The following AKAP7 variants were observed in gnomAD, a reference collection of about 807,000 sequenced individuals.
AKAP7 encodes the protein A-kinase anchoring protein 7.
In AKAP7, 39 loss-of-function variants were observed where a neutral mutation model predicts 39.5. The ratio of observed to expected loss-of-function variants is 0.99; its 90% CI spans 0.76 to 1.29. The LOEUF (loss-of-function observed/expected upper bound fraction) is 1.29. AKAP7 is among the 50% of genes most tolerant of loss of function. The probability of loss-of-function intolerance (pLI) is 0.00; values close to 1 mark genes in which losing one functional copy is unlikely to be tolerated. For missense variants in AKAP7, 414 were observed against 407.7 expected, an observed-to-expected ratio of 1.02 and a Z score of -0.13; for synonymous variants, 140 against 139.1, an observed-to-expected ratio of 1.01 and a Z score of -0.05.
chr6:131,182,639 T>A (rs1021564110), intron 5 of AKAP7, among the ~76,000 whole-genome samples: 2 of 152,212 alleles, frequency 1.3e-5, no homozygotes, highest in Non-Finnish European at 2.9e-5. Flanking sequence ...GACCTTGAGT[T>A]CAGATCTTTT....
At chr6:131,191,381 T>C (rs1252364181) in intron 5 of AKAP7, among the ~76,000 whole-genome samples, 1 of 152,222 alleles carries the variant, frequency 6.6e-6, no homozygotes, top group Non-Finnish European at 1.5e-5. Flanking sequence ...TTATATGAAC[T>C]CTAAGTTGAT....
At chr6:131,155,379 CT>C (rs1233907190) in intron 2 of AKAP7, among the ~76,000 whole-genome samples, 2 of 152,092 alleles carry the variant, frequency 1.3e-5, no homozygotes, top group African/African-American at 4.8e-5. Context: ...CTTGTCTTGC[CT>C]TTTTGCAACT....
chr6:131,129,881 C>A, the AKAP7 span, among the ~76,000 whole-genome samples: 36 of 152,266 alleles, frequency 2.4e-4, 1 homozygote, highest in South Asian at 7.3e-3. Flanking sequence ...TAACCATTTG[C>A]AACTTTAGTT....
At chr6:131,193,555 G>T (rs1806625468) in intron 5 of AKAP7, among the ~76,000 whole-genome samples, 1 of 152,156 alleles carries the variant, frequency 6.6e-6, no homozygotes, top group Non-Finnish European at 1.5e-5. Context: ...TGATATCAGG[G>T]TAATACTGGT....
intron 5 of AKAP7, among the ~76,000 whole-genome samples, chr6:131,182,041 G>T (rs926342530): frequency 6.6e-6 from 1 of 151,904 alleles, no homozygotes; most frequent in Admixed American, 6.6e-5. Flanking sequence ...CAGGGGAATC[G>T]CATGAACCCA....
At chr6:131,147,006 G>A (rs955903025) in intron 2 of AKAP7, among the ~76,000 whole-genome samples, 2 of 152,174 alleles carry the variant, frequency 1.3e-5, no homozygotes, top group African/African-American at 4.8e-5. Context: ...AGTGCATGAC[G>A]TGAGGATGTG....
At chr6:131,251,427 C>T (rs1481959330) in intron 7 of AKAP7, among the ~76,000 whole-genome samples, 2 of 152,172 alleles carry the variant, frequency 1.3e-5, no homozygotes, top group East Asian at 1.9e-4. Flanking sequence ...GCTAAATTTG[C>T]AACCACATTT....
intron 6 of AKAP7, among the ~76,000 whole-genome samples, chr6:131,219,289 CAAAA>C (rs755215493): frequency 1.4e-5 from 1 of 72,604 alleles, no homozygotes; most frequent in South Asian, 4.4e-4. Flanking sequence ...CACTCCATTT[CAAAA>C]AAAAAAAAAA....
intron 5 of AKAP7, among the ~76,000 whole-genome samples, 190 bp downstream of exon 5, chr6:131,169,463 A>C (rs1803821939): frequency 6.6e-6 from 1 of 152,228 alleles, no homozygotes; most frequent in African/African-American, 2.4e-5. Context: ...TACAGTTGGC[A>C]CTTGGTAGGT....
At chr6:131,250,252 T>G in intron 7 of AKAP7, 1 of 1,112,648 alleles carries the variant, frequency 9.0e-7, no homozygotes, top group Non-Finnish European at 1.1e-6. Context: ...ACAGAACACA[T>G]GGCACTGACC....
chr6:131,193,846 C>T (rs1030242940), intron 5 of AKAP7, among the ~76,000 whole-genome samples: 33 of 152,032 alleles, frequency 2.2e-4, no homozygotes, highest in African/African-American at 2.4e-4. Context: ...TATAGTTACT[C>T]GTAGCAGCCA....
intron 5 of AKAP7, chr6:131,185,544 C>T (rs889281489): frequency 5.9e-5 from 11 of 188,020 alleles, no homozygotes; most frequent in African/African-American, 2.6e-4. Context: ...GGTGGTATTT[C>T]ATTTGTGGTT....
At chr6:131,262,504 G>C (rs1813429763) in intron 7 of AKAP7, among the ~76,000 whole-genome samples, 1 of 150,744 alleles carries the variant, frequency 6.6e-6, no homozygotes, top group South Asian at 2.1e-4. Flanking sequence ...ATTTCTTTTG[G>C]GACAAAAAAC....
chr6:131,255,485 C>T (rs1410076010), intron 7 of AKAP7, among the ~76,000 whole-genome samples: 1 of 152,216 alleles, frequency 6.6e-6, no homozygotes, highest in Non-Finnish European at 1.5e-5. Flanking sequence ...TAGGGAACCT[C>T]CCATCAAAGG....
Position 131,281,837 on chromosome 6 carries a change from CTG to C in AKAP7, c.*114_*115del. The C allele has an allele frequency of 1.5e-6, 2 of 1,342,004 alleles. No homozygotes were observed. The highest frequency in any genetic ancestry group is 1.5e-5 in the African/African-American group (1 of 66,484). 83.1% of individuals were successfully genotyped at this position (1,342,004 alleles called of 1,614,324 possible). ...TTAAGTTAAGTTTCTCTGGTGCAAT[CTG>C]TGAAGATTGCCTAATACTTTTCATG... On this transcript the variant is annotated 3_prime_UTR_variant, in exon 8 of 8. Coordinates refer to ENST00000431975, the MANE Select transcript of AKAP7 (RefSeq NM_016377.4). This position sits in a 1 kb window ranked among gnomAD's most constrained non-coding sequence, Gnocchi z 4.0.
chr6:131,260,264 T>TA (rs1813203728), intron 7 of AKAP7, among the ~76,000 whole-genome samples: 1 of 152,248 alleles, frequency 6.6e-6, no homozygotes. Flanking sequence ...GCAATAAACA[T>TA]ACGTGTGCGT....
chr6:131,237,442 CCT>C (rs1284949249), intron 7 of AKAP7, among the ~76,000 whole-genome samples: 1 of 152,112 alleles, frequency 6.6e-6, no homozygotes, highest in East Asian at 1.9e-4. Context: ...GGGAGGATTC[CCT>C]CTTTTTCTAT....
chr6:131,173,014 G>A (rs1026268020), intron 5 of AKAP7, among the ~76,000 whole-genome samples: 4 of 151,912 alleles, frequency 2.6e-5, no homozygotes, highest in African/African-American at 9.7e-5. Flanking sequence ...GACCAGCCTG[G>A]CCAATATGGT....
chr6:131,137,422 GC>G (rs2128222258), intron 1 of AKAP7: 1 of 147,746 alleles, frequency 6.8e-6, no homozygotes, highest in South Asian at 2.1e-4. Context: ...TCGCTCTGTC[GC>G]CCAGGCTGGA....
Sources: gnomAD v4.1 joint callset for allele counts (sites outside exome capture counted in the v4.1 genomes callset) on GRCh38, gnomAD v4.1.1 for gene constraint, Gnocchi (gnomAD v3.1) non-coding constraint, MANE v1.5 for transcripts, NCBI Gene and HGNC (gene_info 2026-07-23, HGNC 2026-07-21) for gene names.